The following FBXL17 variants were observed in gnomAD, a reference collection of about 807,000 sequenced individuals.
FBXL17 encodes the protein F-box and leucine rich repeat protein 17.
FBXL17 carries 22 observed loss-of-function variants against 66.2 expected under a neutral mutation model. That is an observed-to-expected ratio of 0.33 (90% CI 0.24 to 0.47). The LOEUF is 0.47. Among genes scored for constraint, FBXL17 ranks in the 20% least tolerant of loss-of-function variants. FBXL17 has a pLI of 1.00. For missense variants in FBXL17, 878 were observed against 948.2 expected (o/e 0.93, Z 0.97); for synonymous variants, 474 against 400.5 (o/e 1.18, Z -2.19).
chr5:108,230,074 T>C (rs1300446761), intron 4 of FBXL17, among the ~76,000 whole-genome samples: 2 of 152,112 alleles, frequency 1.3e-5, no homozygotes, highest in Admixed American at 1.3e-4. Flanking sequence ...AAGTAATAGA[T>C]GTTGGCGTAG....
At chr5:108,128,513 T>C (rs1750805988) in intron 6 of FBXL17, among the ~76,000 whole-genome samples, 1 of 152,132 alleles carries the variant, frequency 6.6e-6, no homozygotes, top group African/African-American at 2.4e-5. Flanking sequence ...AGGGTTAATA[T>C]ACCAACAATA....
chr5:108,319,472 C>G (rs1201152121), intron 4 of FBXL17, among the ~76,000 whole-genome samples: 3 of 151,518 alleles, frequency 2.0e-5, no homozygotes, highest in African/African-American at 7.3e-5. Context: ...AACAAAAAAA[C>G]AATATTTTTC....
At chr5:108,229,270 A>C (rs1755225279) in intron 4 of FBXL17, among the ~76,000 whole-genome samples, 1 of 152,144 alleles carries the variant, frequency 6.6e-6, no homozygotes, top group Admixed American at 6.6e-5. Context: ...AGCAAAAAAC[A>C]AAAACAAAAA....
At chr5:107,939,001 T>C (rs1025492) in intron 7 of FBXL17, among the ~76,000 whole-genome samples, 3 of 152,272 alleles carry the variant, frequency 2.0e-5, no homozygotes, top group East Asian at 1.9e-4. Flanking sequence ...TAGAATATTA[T>C]TGCCATTCAG....
At chr5:108,184,747 CAAAAAAAAAAAA>C (rs34512714) in intron 6 of FBXL17, among the ~76,000 whole-genome samples, 3 of 82,612 alleles carry the variant, frequency 3.6e-5, no homozygotes, top group African/African-American at 5.0e-5. Context: ...GACTCGGTCT[CAAAAAAAAAAAA>C]AAAAAAAAAG....
intron 4 of FBXL17, among the ~76,000 whole-genome samples, chr5:108,312,274 C>T (rs1336275000): frequency 2.0e-5 from 3 of 152,034 alleles, no homozygotes; most frequent in Non-Finnish European, 4.4e-5. Context: ...AAAATTAACT[C>T]GTAGAATGTT....
At chr5:108,341,932 A>C (rs1360995530) in intron 4 of FBXL17, among the ~76,000 whole-genome samples, 1 of 152,196 alleles carries the variant, frequency 6.6e-6, no homozygotes, top group Non-Finnish European at 1.5e-5. Flanking sequence ...CTTACTATTT[A>C]TAGGATTTTC....
intron 6 of FBXL17, among the ~76,000 whole-genome samples, chr5:108,022,546 T>C (rs1754642785): frequency 6.6e-6 from 1 of 152,032 alleles, no homozygotes; most frequent in African/African-American, 2.4e-5. Flanking sequence ...TCCTCTTCCA[T>C]TGCCTACCAA....
chr5:108,348,809 T>C (rs1233158514), intron 3 of FBXL17, among the ~76,000 whole-genome samples: 2 of 152,102 alleles, frequency 1.3e-5, no homozygotes, highest in Non-Finnish European at 2.9e-5. Context: ...ATTACTCCAG[T>C]ATATATATTT....
chr5:108,268,712 T>C (rs933407184), intron 4 of FBXL17, among the ~76,000 whole-genome samples: 15 of 152,120 alleles, frequency 9.9e-5, no homozygotes, highest in Admixed American at 8.5e-4. Flanking sequence ...AGTTACTACA[T>C]ATCCTCTTTT....
chr5:107,897,962 T>C (rs946144968), intron 7 of FBXL17, among the ~76,000 whole-genome samples: 1 of 152,022 alleles, frequency 6.6e-6, no homozygotes, highest in Admixed American at 6.6e-5. Flanking sequence ...GATTTCAAGA[T>C]GAGGATCTGA....
chr5:108,124,152 G>A lies in FBXL17; in HGVS notation c.1745+61965C>T, dbSNP rs550494273. ...AGTTTTGGCCAACTTCACCAAATGA[G>A]TCCTACAAATTCATCTTAAACATTG... On this transcript the variant is annotated intron_variant, in intron 6 of 8. Coordinates refer to ENST00000542267, the MANE Select transcript of FBXL17 (RefSeq NM_001163315.3). Among the ~76,000 whole-genome samples, 8 of 152,144 alleles carry A rather than the reference G, an allele frequency of 5.3e-5. No individual in the cohort carries two copies. In the East Asian group the frequency reaches 1.5e-3, roughly 29 times the overall value.
intron 4 of FBXL17, among the ~76,000 whole-genome samples, chr5:108,312,230 C>A (rs1459274523): frequency 6.6e-6 from 1 of 152,122 alleles, no homozygotes; most frequent in African/African-American, 2.4e-5. Context: ...CATCCCTAGT[C>A]TCTCTCAACT....
At position 108,132,858 on chromosome 5, in the gene FBXL17, A is replaced by G. The variant is rs1293095552; in HGVS notation, c.1745+53259T>C. Among the ~76,000 whole-genome samples the G allele has an allele frequency of 2.6e-5, 4 of 152,226 alleles. No individual in the cohort carries two copies. In the East Asian group the frequency reaches 7.7e-4, roughly 29 times the overall value. The stretch of plus-strand genomic sequence containing the variant: ...TCTCACCCACACTCCATATTTCTAA[A>G]TATGCATAAGAACATCTCCATTTGG... On this transcript the variant is annotated intron_variant, in intron 6 of 8. Transcript: ENST00000542267.
intron 1 of FBXL17, among the ~76,000 whole-genome samples, chr5:108,371,397 A>T (rs1324356993): frequency 6.6e-6 from 1 of 152,248 alleles, no homozygotes; most frequent in East Asian, 1.9e-4. Context: ...CCATCTTTCT[A>T]GCCAGATAAC....
rs548619441 is a variant in FBXL17 at position 107,890,684 on chromosome 5, G to A, written c.1823-9505C>T. ...GTCTTAGGAAAAAAAAAAAAAAATTGTCTAACCTACTATGTATCAGAGTAG... is the reference window on the plus strand; with the variant it reads ...GTCTTAGGAAAAAAAAAAAAAAATTATCTAACCTACTATGTATCAGAGTAG... On this transcript the variant is annotated intron_variant, in intron 7 of 8. Transcript: ENST00000542267. Among the ~76,000 whole-genome samples, 383 of 149,768 alleles carry A rather than the reference G, an allele frequency of 2.6e-3. 5 individuals carry two copies. The highest frequency in any genetic ancestry group is 4.5e-3 in the Non-Finnish European group (304 of 67,420).
chr5:107,968,093 G>T lies in FBXL17; in HGVS notation c.1822+52832C>A, dbSNP rs188344329. ...TAAGTTTTAAAACTAGACTTGATGT[G>T]AGTGTCACTGGCAGAAAGGAGGAGG... is the stretch of plus-strand genomic sequence containing the variant. On this transcript the variant is annotated intron_variant, in intron 7 of 8. Transcript: ENST00000542267. 5.5e-4 allele frequency among the ~76,000 whole-genome samples: 84 copies of T among 152,256 alleles called. 1 individual carries two copies. Among genetic ancestry groups the T allele is most frequent in the African/African-American group, 2.0e-3 (82 of 41,564 alleles).
chr5:108,189,361 A>T (rs1372725972), intron 5 of FBXL17, among the ~76,000 whole-genome samples: 3 of 93,424 alleles, frequency 3.2e-5, no homozygotes, highest in Non-Finnish European at 6.9e-5. Context: ...ATAAAATGAA[A>T]GAGACAATGG....
chr5:107,880,895 C>T, intron 8 of FBXL17, 142 bp downstream of exon 8: 1 of 1,439,280 alleles, frequency 6.9e-7, no homozygotes, highest in Non-Finnish European at 9.1e-7. Context: ...CAATGCATAG[C>T]TATAATTGCA....
Sources: gnomAD v4.1 joint callset for allele counts (sites outside exome capture counted in the v4.1 genomes callset) on GRCh38, gnomAD v4.1.1 for gene constraint, MANE v1.5 for transcripts, NCBI Gene and HGNC (gene_info 2026-07-23, HGNC 2026-07-21) for gene names.